The following HOMER2 variants were observed in gnomAD, a reference collection of about 807,000 sequenced individuals.
HOMER2 encodes homer scaffold protein 2.
A neutral mutation model predicts 47.0 loss-of-function variants in HOMER2; 27 were observed. The observed-to-expected ratio is 0.57, with a 90% CI of 0.42 to 0.79. HOMER2 has a LOEUF of 0.79. HOMER2 is among the 30% of genes least tolerant of loss of function. The pLI, the probability that HOMER2 is intolerant of heterozygous loss-of-function variation, is 0.00. For synonymous variants in HOMER2, 161 were observed against 163.8 expected (o/e 0.98, Z 0.13); for missense variants, 443 against 435.0 (o/e 1.02, Z -0.16).
At position 82,935,094 on chromosome 15, in the gene HOMER2, G is replaced by T. The variant is rs572980945; in HGVS notation, c.5+17437C>A. ...GCTCCTCTGCCCCCCGCCTTCAACT[G>T]GCAGCGCTCCCCTCACACCTCGCCT... On this transcript the variant is annotated intron_variant, in intron 1 of 8. Coordinates refer to ENST00000450735, the MANE Select transcript of HOMER2 (RefSeq NM_004839.4). Among the ~76,000 whole-genome samples, 106 of 152,088 alleles carry T rather than the reference G, an allele frequency of 7.0e-4. 1 individual carries two copies. Among genetic ancestry groups the T allele is most frequent in the African/African-American group, 2.4e-3 (99 of 41,490 alleles).
At chr15:82,873,712 G>C (rs546237203) in intron 3 of HOMER2, among the ~76,000 whole-genome samples, 2 of 152,354 alleles carry the variant, frequency 1.3e-5, no homozygotes, top group South Asian at 4.1e-4. Flanking sequence ...CACAAGGGTG[G>C]ATGCTCAGAG....
intron 1 of HOMER2, among the ~76,000 whole-genome samples, chr15:82,898,765 A>T (rs2053019148): frequency 6.6e-6 from 1 of 152,262 alleles, no homozygotes; most frequent in African/African-American, 2.4e-5. Context: ...TACTTTTGCA[A>T]AGAAACAAGA....
At chr15:82,889,371 G>A (rs1041821164) in intron 2 of HOMER2, among the ~76,000 whole-genome samples, 3 of 152,218 alleles carry the variant, frequency 2.0e-5, no homozygotes, top group Non-Finnish European at 4.4e-5. Flanking sequence ...TGGGCAGGGA[G>A]CAGAGCTCCA....
intron 3 of HOMER2, among the ~76,000 whole-genome samples, chr15:82,873,289 C>T (rs887992809): frequency 2.6e-5 from 4 of 152,154 alleles, no homozygotes; most frequent in African/African-American, 9.7e-5. Flanking sequence ...TTTATCATCA[C>T]CAGAATAGAT....
At chr15:82,947,614 C>T (rs2054409872) in intron 1 of HOMER2, among the ~76,000 whole-genome samples, 1 of 152,210 alleles carries the variant, frequency 6.6e-6, no homozygotes, top group Non-Finnish European at 1.5e-5. Flanking sequence ...ACCCACATCA[C>T]AATGAAAGCT....
At chr15:82,838,854 C>T (rs1224310473) in exon 2 of HOMER2, 1 of 152,194 alleles carries the variant, frequency 6.6e-6, no homozygotes, top group African/African-American at 2.4e-5. Context: ...TTCTTTTACT[C>T]TTGAGCTGAG....
intron 1 of HOMER2, among the ~76,000 whole-genome samples, chr15:82,965,994 A>G (rs1235526607): frequency 6.6e-6 from 1 of 152,110 alleles, no homozygotes; most frequent in Non-Finnish European, 1.5e-5. Context: ...TTGGGGGATG[A>G]GGAGGTTAAG....
chr15:82,869,694 G>A (rs1383922625), intron 3 of HOMER2, among the ~76,000 whole-genome samples: 4 of 151,988 alleles, frequency 2.6e-5, no homozygotes, highest in Admixed American at 6.6e-5. Context: ...TTGACCTCAG[G>A]TGATCCACCC....
chr15:82,836,893 TGA>T (rs1484548996), downstream of HOMER2: 2 of 152,208 alleles, frequency 1.3e-5, no homozygotes, highest in African/African-American at 4.8e-5. Context: ...TAAAAGCACA[TGA>T]GAGTGCATTG....
chr15:82,910,610 A>G (rs2053425154), intron 1 of HOMER2, among the ~76,000 whole-genome samples: 1 of 152,230 alleles, frequency 6.6e-6, no homozygotes, highest in African/African-American at 2.4e-5. Context: ...TGGGGGAAAG[A>G]AATCTGGAAC....
intron 1 of HOMER2, among the ~76,000 whole-genome samples, chr15:82,981,866 T>C (rs1185500645): frequency 6.6e-6 from 1 of 152,148 alleles, no homozygotes; most frequent in African/African-American, 2.4e-5. Flanking sequence ...AATACAGTTA[T>C]GGTTTAATGG....
At chr15:82,920,340 T>C (rs948313742) in intron 1 of HOMER2, among the ~76,000 whole-genome samples, 2 of 152,202 alleles carry the variant, frequency 1.3e-5, no homozygotes, top group Admixed American at 6.5e-5. Flanking sequence ...AGGGCTGCTG[T>C]ACCAAATTCC....
At chr15:82,975,995 A>G (rs1433655677) in intron 1 of HOMER2, among the ~76,000 whole-genome samples, 2 of 152,328 alleles carry the variant, frequency 1.3e-5, no homozygotes, top group East Asian at 3.9e-4. Flanking sequence ...ATGAACCCAT[A>G]TAAATTAAAA....
rs1449366268 is a variant in HOMER2, at chr15:82,859,040, G to C, written c.483C>G (p.Ala161=). Residue 161 remains alanine, a synonymous_variant, in exon 5 of 9, where the codon GCC becomes GCG. Coordinates refer to ENST00000450735, the MANE Select transcript of HOMER2 (RefSeq NM_004839.4). Reference sequence around the variant, plus strand: ...TAAAACAGCCTTACCTCTGCGTCAAGGCAATCTTCAGCTTGTCATTCTCAG... The same window carrying C: ...TAAAACAGCCTTACCTCTGCGTCAACGCAATCTTCAGCTTGTCATTCTCAG... ...LKSENDKLKI[A]LTQSAANVKK... is the part of the protein sequence containing the mutation. 3 of 1,613,788 alleles carry C rather than the reference G, an allele frequency of 1.9e-6. No homozygotes were observed. In the African/African-American group the frequency reaches 4.0e-5, roughly 22 times the overall value.
exon 2 of HOMER2, chr15:82,840,185 A>G (rs1488702156): frequency 1.3e-5 from 2 of 152,192 alleles, no homozygotes; most frequent in African/African-American, 4.8e-5. Flanking sequence ...TAAGTAAGAA[A>G]AAGTTAAAAT....
chr15:82,865,456 C>T (rs1275132203), intron 3 of HOMER2, among the ~76,000 whole-genome samples: 1 of 152,148 alleles, frequency 6.6e-6, no homozygotes, highest in Non-Finnish European at 1.5e-5. Flanking sequence ...TTTAGGCTTG[C>T]ACAGCCCTGT....
chr15:82,859,471 C>A (rs1462367156), intron 4 of HOMER2, among the ~76,000 whole-genome samples: 1 of 152,110 alleles, frequency 6.6e-6, no homozygotes, highest in Non-Finnish European at 1.5e-5. Flanking sequence ...TTACTTACGC[C>A]TTATGGAGAA....
At chr15:82,875,207 G>A (rs965068898) in intron 3 of HOMER2, 66 bp downstream of exon 3, 13 of 1,565,290 alleles carry the variant, frequency 8.3e-6, no homozygotes, top group South Asian at 5.8e-5. Flanking sequence ...ATCCCTCGGC[G>A]GGCAATCACT....
chr15:82,934,942 G>C (rs1199283844), intron 1 of HOMER2, among the ~76,000 whole-genome samples: 3 of 152,102 alleles, frequency 2.0e-5, no homozygotes, highest in African/African-American at 7.2e-5. Flanking sequence ...TCATACTTCA[G>C]ATGGAAAAGA....
Sources: gnomAD v4.1 joint callset for allele counts (sites outside exome capture counted in the v4.1 genomes callset) on GRCh38, gnomAD v4.1.1 for gene constraint, MANE v1.5 for transcripts, NCBI Gene and HGNC (gene_info 2026-07-23, HGNC 2026-07-21) for gene names.